Variants in COL19A1 observed in about 807,000 individuals in gnomAD.
COL19A1 encodes the protein collagen type XIX alpha 1 chain, also known as collagen alpha-1(XIX) chain.
COL19A1 carries 159 observed loss-of-function variants against 190.2 expected under a neutral mutation model. The ratio of observed to expected loss-of-function variants is 0.84; its 90% CI spans 0.73 to 0.95. The LOEUF (loss-of-function observed/expected upper bound fraction) is 0.95. Among genes scored for constraint, COL19A1 ranks in the 40% least tolerant of loss-of-function variants. COL19A1 has a pLI of 0.00. For synonymous variants in COL19A1, 509 were observed against 458.9 expected (o/e 1.11, Z -1.39); for missense variants, 1,418 against 1,431.9 (o/e 0.99, Z 0.16).
At chr6:70,093,971 C>G (rs1013047576) in intron 15 of COL19A1, among the ~76,000 whole-genome samples, 6 of 152,158 alleles carry the variant, frequency 3.9e-5, no homozygotes, top group African/African-American at 1.2e-4. Context: ...TTCCTTAGCT[C>G]TGAACCTATT....
At chr6:69,911,398 A>G (rs1770902993) in intron 4 of COL19A1, among the ~76,000 whole-genome samples, 2 of 152,138 alleles carry the variant, frequency 1.3e-5, no homozygotes, top group Middle Eastern at 3.4e-3. Flanking sequence ...TTTTTCCCCC[A>G]AATTAGGTGA....
In COL19A1 at chr6:70,068,510, T is replaced by C. The variant is rs527700788; in HGVS notation, c.1224+34T>C. The C allele has an allele frequency of 7.2e-6, 10 of 1,383,050 alleles. No homozygotes were observed. The East Asian group carries it at 2.3e-4, about 32-fold the overall frequency. 85.7% of individuals were successfully genotyped at this position (1,383,050 alleles called of 1,614,324 possible). On this transcript the variant is annotated intron_variant, in intron 15 of 50. Transcript: ENST00000620364. ...AGCTGGAACAACTGGTGGGCATTACTAACTTAGGGGATACTTATTTGGGAA... is the reference window on the plus strand; with the variant it reads ...AGCTGGAACAACTGGTGGGCATTACCAACTTAGGGGATACTTATTTGGGAA...
intron 15 of COL19A1, among the ~76,000 whole-genome samples, chr6:70,082,647 G>A (rs950506120): frequency 2.0e-5 from 3 of 152,162 alleles, no homozygotes; most frequent in African/African-American, 7.2e-5. Context: ...CTGACCTCAG[G>A]TGATCCATCT....
chr6:70,031,535 CCCA>C, intron 12 of COL19A1, among the ~76,000 whole-genome samples: 1 of 151,950 alleles, frequency 6.6e-6, no homozygotes, highest in African/African-American at 2.4e-5. Flanking sequence ...TTTTTTTGCT[CCCA>C]CATGTAAGAA....
chr6:70,099,255 G>A (rs979386536), intron 15 of COL19A1, among the ~76,000 whole-genome samples: 14 of 151,850 alleles, frequency 9.2e-5, no homozygotes, highest in Non-Finnish European at 1.5e-5. Context: ...TTCTAGTACA[G>A]ATTGAGCATC....
rs1179521300 is a variant in COL19A1, at chr6:70,141,015, T to C, written c.1482+26T>C. The C allele has an allele frequency of 1.9e-6, 3 of 1,593,902 alleles. No homozygotes were observed. In the South Asian group the frequency reaches 3.4e-5, roughly 18 times the overall value. On this transcript the variant is annotated intron_variant, in intron 20 of 50. Coordinates refer to ENST00000620364, the MANE Select transcript of COL19A1 (RefSeq NM_001858.6). ...GTAAGTAGATATTTTATCACTACCT[T>C]GGGTTTTCTACTTCATTGATTTGTT...
intron 11 of COL19A1, among the ~76,000 whole-genome samples, chr6:70,022,184 CA>C (rs1778452159): frequency 6.6e-6 from 1 of 151,878 alleles, no homozygotes; most frequent in Non-Finnish European, 1.5e-5. Context: ...GGAAGAAAAA[CA>C]GAAAATATAA....
intron 48 of COL19A1, among the ~76,000 whole-genome samples, chr6:70,194,732 T>A (rs1309904343): frequency 1.3e-5 from 2 of 152,066 alleles, no homozygotes; most frequent in Non-Finnish European, 2.9e-5. Flanking sequence ...TGCTTGGGAA[T>A]TTACATCAAC....
chr6:70,116,948 C>T (rs563467073), intron 16 of COL19A1, among the ~76,000 whole-genome samples: 2 of 152,116 alleles, frequency 1.3e-5, no homozygotes, highest in Non-Finnish European at 2.9e-5. Context: ...AAAAAAGCTT[C>T]CAATAGGAGA....
intron 7 of COL19A1, among the ~76,000 whole-genome samples, chr6:69,933,513 C>G (rs1772913512): frequency 6.6e-6 from 1 of 152,014 alleles, no homozygotes; most frequent in Non-Finnish European, 1.5e-5. Flanking sequence ...CATTCCCTGC[C>G]CTCTCTTCAT....
chr6:70,050,134 T>C (rs759849747), intron 14 of COL19A1, among the ~76,000 whole-genome samples: 15 of 152,044 alleles, frequency 9.9e-5, no homozygotes, highest in Non-Finnish European at 2.1e-4. Context: ...TATTTCCTAT[T>C]GTATAGTGTT....
chr6:70,046,125 T>A (rs1197844563), intron 14 of COL19A1, among the ~76,000 whole-genome samples: 1 of 152,162 alleles, frequency 6.6e-6, no homozygotes, highest in African/African-American at 2.4e-5. Context: ...CATAAGTGAG[T>A]TAGCCTTCAC....
chr6:70,108,575 T>C (rs1784105885), intron 16 of COL19A1, among the ~76,000 whole-genome samples: 1 of 152,164 alleles, frequency 6.6e-6, no homozygotes, highest in African/African-American at 2.4e-5. Context: ...ATTTTCAGGA[T>C]TTTGTTACAT....
chr6:70,084,969 T>G (rs546581423), intron 15 of COL19A1, among the ~76,000 whole-genome samples: 2 of 152,292 alleles, frequency 1.3e-5, no homozygotes, highest in East Asian at 3.9e-4. Flanking sequence ...TGAGTCTCAG[T>G]TCTTCAGTTA....
intron 4 of COL19A1, among the ~76,000 whole-genome samples, chr6:69,927,452 T>A (rs1339833192): frequency 2.0e-5 from 3 of 152,190 alleles, no homozygotes; most frequent in Non-Finnish European, 4.4e-5. Flanking sequence ...TGGTCTTCAG[T>A]TGGGACTAAG....
At chr6:70,171,002 C>T (rs969386930) in intron 40 of COL19A1, among the ~76,000 whole-genome samples, 1 of 152,166 alleles carries the variant, frequency 6.6e-6, no homozygotes, top group East Asian at 1.9e-4. Flanking sequence ...AAGAAGGCAT[C>T]AAACAACTCC....
intron 15 of COL19A1, among the ~76,000 whole-genome samples, chr6:70,072,959 T>TTTTA (rs70987496): frequency 0.097 from 13,971 of 144,034 alleles, 793 homozygotes; most frequent in East Asian, 0.24. Context: ...ATTGCCTGAA[T>TTTTA]TTTATTTATT....
At chr6:70,134,699 G>A (rs529285002) in intron 18 of COL19A1, among the ~76,000 whole-genome samples, 1 of 152,140 alleles carries the variant, frequency 6.6e-6, no homozygotes, top group Admixed American at 6.5e-5. Context: ...AAGCCTAATG[G>A]TATAAAAAAT....
chr6:69,979,384 C>A (rs1775909044), intron 11 of COL19A1, among the ~76,000 whole-genome samples: 1 of 151,806 alleles, frequency 6.6e-6, no homozygotes, highest in Admixed American at 6.6e-5. Flanking sequence ...TATATATCAA[C>A]ATAATACATC....
Sources: allele counts gnomAD v4.1 joint callset (sites outside exome capture counted in the v4.1 genomes callset), GRCh38; gene constraint gnomAD v4.1.1; transcripts MANE v1.5; gene names NCBI Gene and HGNC (gene_info 2026-07-23, HGNC 2026-07-21).